KIF13A: variants seen among roughly 807,000 people sequenced by gnomAD.
The protein encoded by KIF13A is kinesin-like protein KIF13A.
Under a neutral mutation model 212.2 loss-of-function variants are expected in KIF13A, and 79 were observed. The observed-to-expected ratio is 0.37, with a 90% CI of 0.31 to 0.45. The LOEUF is 0.45. Ranked by LOEUF, KIF13A falls within the 20% of genes least tolerant of loss-of-function variation. The pLI, the probability that KIF13A is intolerant of heterozygous loss-of-function variation, is 1.00. For synonymous variants in KIF13A, 789 were observed against 808.6 expected, an observed-to-expected ratio of 0.98 and a Z score of 0.41; for missense variants, 1,901 against 2,209.0, an observed-to-expected ratio of 0.86 and a Z score of 2.79.
At chr6:17,873,207 C>A in intron 4 of KIF13A, 170 bp downstream of exon 4, 6 of 529,792 alleles carry the variant, frequency 1.1e-5, no homozygotes, top group South Asian at 2.8e-5. Flanking sequence ...AGTGGCAGAC[C>A]CAGATTCTGA....
Position 17,764,446 on chromosome 6 carries a change from GCA to G in KIF13A, c.5080_5081del (p.Cys1694GlnfsTer16). 1 of 1,614,018 alleles carries G rather than the reference GCA, an allele frequency of 6.2e-7. No homozygotes were observed. The highest frequency in any genetic ancestry group is 8.5e-7 in the Non-Finnish European group (1 of 1,179,904). On this transcript the variant is annotated frameshift_variant, in exon 39 of 39. Transcript: ENST00000259711. LOFTEE classifies it low-confidence loss of function (END_TRUNC). This position sits in a 1 kb window ranked among gnomAD's most constrained non-coding sequence, Gnocchi z 5.1. The stretch of plus-strand genomic sequence containing the variant: ...CTAGTTCTGAACATGAGCCAGTCCT[GCA>G]CAGTGATTTGGAGTTTTTCTCAGGG... ...SIPEKNSKSL[C>X]RTGSCSELDA...
chr6:17,909,814 G>T (rs971557945), intron 2 of KIF13A, among the ~76,000 whole-genome samples: 1 of 152,098 alleles, frequency 6.6e-6, no homozygotes, highest in African/African-American at 2.4e-5. Flanking sequence ...GAACCTGGGA[G>T]GCAGAGGTTG....
chr6:17,832,439 C>T lies in KIF13A; in HGVS notation c.1267-1204G>A, dbSNP rs574682858. On this transcript the variant is annotated intron_variant, in intron 12 of 38. Transcript: ENST00000259711. ...ATCACCTGAGGTCAGGAGTTTGAGA[C>T]CAGCCTGGCCAACATGGTGAATCCC... Among the ~76,000 whole-genome samples, 23 of 151,088 alleles carry T rather than the reference C, an allele frequency of 1.5e-4. No homozygotes were observed. The South Asian group carries it at 4.2e-3, about 28-fold the overall frequency.
chr6:17,859,620 TTATA>T (rs1355192834), intron 4 of KIF13A, among the ~76,000 whole-genome samples: 1,946 of 131,512 alleles, frequency 0.015, 63 homozygotes, highest in African/African-American at 0.053. Context: ...GCAATGTATT[TTATA>T]TATATATATA....
intron 2 of KIF13A, among the ~76,000 whole-genome samples, chr6:17,929,696 G>A (rs948785847): frequency 9.2e-5 from 14 of 152,158 alleles, no homozygotes; most frequent in South Asian, 2.1e-4. Context: ...CACCGCGCCC[G>A]GCCGCACTCT....
rs1056402941 is a variant in KIF13A, at chr6:17,799,186, G to C, written c.2790+80C>G. The C allele has an allele frequency of 1.1e-6, 1 of 952,108 alleles. No individual in the cohort carries two copies. Among genetic ancestry groups the C allele is most frequent in the Non-Finnish European group, 1.5e-6 (1 of 685,848 alleles). The allele number at this position is 952,108 out of a possible 1,614,324, so 59.0% of individuals were successfully genotyped here. A position where few individuals can be genotyped will look rare whatever the true frequency, so the allele number is the denominator to read the frequency against. ...TAAACATATTATACTTAAAACAAAT[G>C]CTTGTGGGGACAACTGATTGTTGAA... is the stretch of plus-strand genomic sequence containing the variant. On this transcript the variant is annotated intron_variant, in intron 22 of 38. Coordinates refer to ENST00000259711, the MANE Select transcript of KIF13A (RefSeq NM_022113.6). This position sits in a 1 kb window ranked among gnomAD's most constrained non-coding sequence, Gnocchi z 4.4.
intron 3 of KIF13A, among the ~76,000 whole-genome samples, chr6:17,880,151 G>A (rs1035562144): frequency 3.3e-5 from 5 of 151,934 alleles, no homozygotes; most frequent in East Asian, 1.9e-4. Flanking sequence ...ATGGGGGCTC[G>A]CTGTGTTGCC....
chr6:17,975,380 A>G (rs1339747533), intron 2 of KIF13A, among the ~76,000 whole-genome samples: 2 of 152,124 alleles, frequency 1.3e-5, no homozygotes, highest in Non-Finnish European at 2.9e-5. Context: ...AATGAATATT[A>G]CAAATCTTAA....
In KIF13A at chr6:17,856,613, T is replaced by G. The variant is rs1438704113; in HGVS notation, c.221-491A>C. Among the ~76,000 whole-genome samples the G allele has an allele frequency of 6.6e-6, 1 of 152,184 alleles. No homozygotes were observed. Among genetic ancestry groups the G allele is most frequent in the Non-Finnish European group, 1.5e-5 (1 of 68,040 alleles). On this transcript the variant is annotated intron_variant, in intron 4 of 38. Transcript: ENST00000259711. The surrounding 1 kb of genome is among the most constrained non-coding windows in gnomAD (Gnocchi z 4.5). ...TGGATTGACAACTTCAGCTGCTGTT[T>G]GTAGATTCACAGGCACCCGTCACCT... is the stretch of plus-strand genomic sequence containing the variant.
intron 38 of KIF13A, among the ~76,000 whole-genome samples, chr6:17,766,014 A>G (rs943710760): frequency 1.3e-5 from 2 of 152,252 alleles, no homozygotes; most frequent in African/African-American, 4.8e-5. Flanking sequence ...CTCTTAGAAC[A>G]ATCCTGGATG....
intron 20 of KIF13A, among the ~76,000 whole-genome samples, chr6:17,802,934 TTTTTTTTG>T (rs1762598628): frequency 2.2e-5 from 3 of 136,770 alleles, no homozygotes; most frequent in Admixed American, 7.9e-5. Flanking sequence ...TTTTTTTTGT[TTTTTTTTG>T]TTTTGTTTTG....
At chr6:17,978,660 G>A (rs1780800124) in intron 2 of KIF13A, among the ~76,000 whole-genome samples, 1 of 152,198 alleles carries the variant, frequency 6.6e-6, no homozygotes, top group Admixed American at 6.5e-5. Context: ...TTCCAGGGAA[G>A]ATTTGAGAAA....
rs757359984 is a variant in KIF13A at position 17,764,122 on chromosome 6, C to T, written c.5406G>A (p.Leu1802=). 1.9e-6 allele frequency: 3 copies of T among 1,613,764 alleles called. No individual in the cohort carries two copies. The highest frequency in any genetic ancestry group is 4.5e-5 in the East Asian group (2 of 44,882). ...CAGTTAGACATACTCATTGACAGCA[C>T]AGAACCCAAAAGGCTGCCTCTGGAA... ...VIIPEAAFWV[L]CCQ The change falls in exon 39 of 39, where the codon CTG becomes CTA. Residue 1802 remains leucine, a synonymous_variant. Transcript: ENST00000259711. This position sits in a 1 kb window ranked among gnomAD's most constrained non-coding sequence, Gnocchi z 5.1.
chr6:17,820,687 C>T (rs1021836723), intron 16 of KIF13A, among the ~76,000 whole-genome samples: 5 of 152,116 alleles, frequency 3.3e-5, no homozygotes, highest in Non-Finnish European at 7.4e-5. Flanking sequence ...GCCAAGATCT[C>T]AAAGAAGTAA....
At chr6:17,948,227 G>T (rs1264523310) in intron 2 of KIF13A, among the ~76,000 whole-genome samples, 1 of 152,200 alleles carries the variant, frequency 6.6e-6, no homozygotes, top group African/African-American at 2.4e-5. Flanking sequence ...GATCAGAACA[G>T]ACTTGACTTG....
At position 17,833,472 on chromosome 6, in the gene KIF13A, G is replaced by A. The variant is rs1441071817; in HGVS notation, c.1266+489C>T. Reference sequence around the variant, plus strand: ...TGATTGAGCTGCTGTACTCCAGCCTGGGTGACAGAGGGAGACCTTGTCTTC... The same window carrying A: ...TGATTGAGCTGCTGTACTCCAGCCTAGGTGACAGAGGGAGACCTTGTCTTC... On this transcript the variant is annotated intron_variant, in intron 12 of 38. Coordinates refer to ENST00000259711, the MANE Select transcript of KIF13A (RefSeq NM_022113.6). 6.8e-5 allele frequency among the ~76,000 whole-genome samples: 10 copies of A among 147,854 alleles called. No individual in the cohort carries two copies. The East Asian group carries it at 1.6e-3, about 23-fold the overall frequency.
rs1759586266 is a variant in KIF13A, at chr6:17,772,486, T to C, written c.4325-427A>G. On this transcript the variant is annotated intron_variant, in intron 36 of 38. Transcript: ENST00000259711. This position sits in a 1 kb window ranked among gnomAD's most constrained non-coding sequence, Gnocchi z 4.8. ...AACCCCCAAAAAACCATGGAACAGA[T>C]GTAGGCAAGAATAGACATAAATCTG... Among the ~76,000 whole-genome samples the C allele has an allele frequency of 6.6e-6, 1 of 152,134 alleles. No individual in the cohort carries two copies. The highest frequency in any genetic ancestry group is 6.6e-5 in the Admixed American group (1 of 15,266).
chr6:17,771,278 T>C lies in KIF13A; in HGVS notation c.4477-60A>G, dbSNP rs1759473904. 3.8e-6 allele frequency: 4 copies of C among 1,058,000 alleles called. No individual in the cohort carries two copies. The Admixed American group carries it at 5.9e-5, about 16-fold the overall frequency. 65.5% of individuals were successfully genotyped at this position (1,058,000 alleles called of 1,614,324 possible). The stretch of plus-strand genomic sequence containing the variant: ...CAAAGACGACAACGGCCAAAATACA[T>C]ATTAAGTACATGCAAGTTAGAAAAG... On this transcript the variant is annotated intron_variant, in intron 37 of 38. Transcript: ENST00000259711. The surrounding 1 kb of genome is among the most constrained non-coding windows in gnomAD (Gnocchi z 5.4).
chr6:17,853,532 G>A (rs970814536), intron 6 of KIF13A, among the ~76,000 whole-genome samples: 1 of 152,078 alleles, frequency 6.6e-6, no homozygotes, highest in African/African-American at 2.4e-5. Flanking sequence ...TATACAGCAG[G>A]AAACCTGTAT....
Sources: allele counts gnomAD v4.1 joint callset (sites outside exome capture counted in the v4.1 genomes callset), GRCh38; gene constraint gnomAD v4.1.1; non-coding constraint Gnocchi (gnomAD v3.1); transcripts MANE v1.5; gene names NCBI Gene and HGNC (gene_info 2026-07-23, HGNC 2026-07-21).